The following MTMR7 variants were observed in gnomAD, a reference collection of about 807,000 sequenced individuals.
MTMR7 encodes myotubularin related protein 7.
In MTMR7, 76 loss-of-function variants were observed where a neutral mutation model predicts 81.2. The ratio of observed to expected loss-of-function variants is 0.94; its 90% CI spans 0.78 to 1.13. The LOEUF (loss-of-function observed/expected upper bound fraction) is 1.13. Among genes scored for constraint, MTMR7 ranks in the 50% most tolerant of loss-of-function variants. MTMR7 has a pLI of 0.00. For missense variants in MTMR7, 1,044 were observed against 820.0 expected, an observed-to-expected ratio of 1.27 and a Z score of -3.34; for synonymous variants, 372 against 289.8, an observed-to-expected ratio of 1.28 and a Z score of -2.88.
chr8:17,368,512 G>A (rs1249354597), intron 3 of MTMR7, among the ~76,000 whole-genome samples: 1 of 152,150 alleles, frequency 6.6e-6, no homozygotes, highest in East Asian at 1.9e-4. Flanking sequence ...AAAGGCAGTG[G>A]ACGGTGTCTT....
intron 1 of MTMR7, among the ~76,000 whole-genome samples, chr8:17,397,771 C>A (rs953661032): frequency 6.6e-6 from 1 of 152,088 alleles, no homozygotes; most frequent in Admixed American, 6.5e-5. Context: ...TGGGCAAGAC[C>A]CAGTGCTGTG....
chr8:17,331,199 C>T lies in MTMR7; in HGVS notation c.816G>A (p.Gly272=), dbSNP rs766375252. The T allele has an allele frequency of 3.1e-6, 5 of 1,612,786 alleles. No homozygotes were observed. Among genetic ancestry groups the T allele is most frequent in the Non-Finnish European group, 4.2e-6 (5 of 1,179,614 alleles). Residue 272 remains glycine, a synonymous_variant, in exon 7 of 14, where the codon GGG becomes GGA. Coordinates refer to ENST00000180173, the MANE Select transcript of MTMR7 (RefSeq NM_004686.5). The part of the protein sequence containing the change: ...NYSNIKFQFI[G]IENIHVMRNS... Reference sequence around the variant, plus strand: ...TCCTCATGACATGGATGTTCTCTATCCCGATAAACTGAAACTTGATATTGG... The same window carrying T: ...TCCTCATGACATGGATGTTCTCTATTCCGATAAACTGAAACTTGATATTGG...
intron 4 of MTMR7, among the ~76,000 whole-genome samples, chr8:17,355,253 G>C (rs183596918): frequency 4.6e-5 from 7 of 152,012 alleles, no homozygotes; most frequent in African/African-American, 1.7e-4. Flanking sequence ...TTCTTTCAAG[G>C]CTAAAAATTC....
intron 4 of MTMR7, among the ~76,000 whole-genome samples, chr8:17,349,709 G>A (rs750157934): frequency 6.6e-6 from 1 of 152,146 alleles, no homozygotes; most frequent in African/African-American, 2.4e-5. Flanking sequence ...ACAGATTACC[G>A]CGCAATGTAA....
intron 1 of MTMR7, among the ~76,000 whole-genome samples, chr8:17,392,947 G>A (rs139922737): frequency 6.6e-6 from 1 of 152,316 alleles, no homozygotes; most frequent in East Asian, 1.9e-4. Flanking sequence ...TGTACTATGT[G>A]CCATGTTATT....
chr8:17,366,106 G>GGT (rs1177327517), intron 3 of MTMR7, among the ~76,000 whole-genome samples: 2 of 152,144 alleles, frequency 1.3e-5, no homozygotes, highest in Non-Finnish European at 2.9e-5. Flanking sequence ...GAAAATGCAA[G>GGT]ACATCAGGTA....
chr8:17,341,931 T>C (rs992628687), intron 5 of MTMR7, among the ~76,000 whole-genome samples: 10 of 151,818 alleles, frequency 6.6e-5, no homozygotes, highest in African/African-American at 2.4e-4. Flanking sequence ...TTTTTTTTTT[T>C]AAACTAGCCC....
rs150124649 is a variant in MTMR7 at position 17,350,134 on chromosome 8, G to T, written c.469-1053C>A. 6.0e-3 allele frequency among the ~76,000 whole-genome samples: 920 copies of T among 152,330 alleles called. 8 individuals carry two copies. The highest frequency in any genetic ancestry group is 8.9e-3 in the Non-Finnish European group (605 of 68,038). ...CAGTCCATCAGTCTTTTCGCAATGT[G>T]AAGATCACCCACATGGAAGTGTCCT... On this transcript the variant is annotated intron_variant, in intron 4 of 13. Transcript: ENST00000180173.
chr8:17,324,470 A>T (rs557028018), intron 7 of MTMR7, among the ~76,000 whole-genome samples: 1 of 152,320 alleles, frequency 6.6e-6, no homozygotes, highest in African/African-American at 2.4e-5. Context: ...ATTCCACCGC[A>T]CATGCATCCA....
chr8:17,328,344 T>A (rs1216215935), intron 7 of MTMR7, among the ~76,000 whole-genome samples: 1 of 152,002 alleles, frequency 6.6e-6, no homozygotes, highest in Non-Finnish European at 1.5e-5. Flanking sequence ...GCCTAAGAGG[T>A]AAAAGCTCCA....
intron 3 of MTMR7, among the ~76,000 whole-genome samples, chr8:17,364,179 G>A (rs75124675): frequency 0.036 from 5,416 of 151,542 alleles, 486 homozygotes; most frequent in East Asian, 0.31. Context: ...ACAGGAGCCC[G>A]CCACCACGCC....
At chr8:17,409,699 G>A (rs1451069970) in intron 1 of MTMR7, among the ~76,000 whole-genome samples, 3 of 152,112 alleles carry the variant, frequency 2.0e-5, no homozygotes, top group African/African-American at 7.2e-5. Flanking sequence ...GAACCTAAGG[G>A]GAAAACACAA....
intron 7 of MTMR7, among the ~76,000 whole-genome samples, chr8:17,325,165 T>G (rs1818618957): frequency 6.6e-6 from 1 of 151,950 alleles, no homozygotes; most frequent in Middle Eastern, 3.4e-3. Context: ...AGAGAACTAT[T>G]TCAGAGAAAC....
At chr8:17,373,375 A>C in intron 1 of MTMR7, 135 bp from the exon 2 acceptor site, 2 of 996,628 alleles carry the variant, frequency 2.0e-6, no homozygotes, top group Non-Finnish European at 2.8e-6. Context: ...AAAAACCAAA[A>C]ACTTCCCCTT....
chr8:17,305,744 C>A lies in MTMR7; in HGVS notation c.1352+13G>T, dbSNP rs765300243. 1 of 1,595,700 alleles carries A rather than the reference C, an allele frequency of 6.3e-7. No homozygotes were observed. Among genetic ancestry groups the A allele is most frequent in the South Asian group, 1.1e-5 (1 of 89,512 alleles). On this transcript the variant is annotated intron_variant, in intron 11 of 13. Coordinates refer to ENST00000180173, the MANE Select transcript of MTMR7 (RefSeq NM_004686.5). ...AAATAAAAGTTAAACACCAAAAACA[C>A]CAAAACACTTACTTGAGTTCTCGTC...
intron 3 of MTMR7, among the ~76,000 whole-genome samples, chr8:17,369,481 T>C (rs1182208965): frequency 1.3e-5 from 2 of 152,124 alleles, no homozygotes; most frequent in Non-Finnish European, 2.9e-5. Context: ...TAATTGAACT[T>C]CTTGTCCTGA....
chr8:17,334,256 C>T (rs979468848), intron 6 of MTMR7, among the ~76,000 whole-genome samples: 3 of 152,164 alleles, frequency 2.0e-5, no homozygotes, highest in African/African-American at 7.2e-5. Flanking sequence ...GCAGGAGATA[C>T]GGTTTTACAA....
At chr8:17,316,393 CTTAAA>C (rs534461658) in intron 7 of MTMR7, among the ~76,000 whole-genome samples, 77 of 151,460 alleles carry the variant, frequency 5.1e-4, no homozygotes, top group African/African-American at 1.6e-3. Flanking sequence ...CACTCTATAT[CTTAAA>C]TTATTTATCC....
chr8:17,347,914 T>C (rs1243422315), intron 5 of MTMR7, among the ~76,000 whole-genome samples: 3 of 152,022 alleles, frequency 2.0e-5, no homozygotes, highest in African/African-American at 7.3e-5. Context: ...CCACCTGCAG[T>C]GTGTGGGTGG....
Sources: allele counts gnomAD v4.1 joint callset (sites outside exome capture counted in the v4.1 genomes callset), GRCh38; gene constraint gnomAD v4.1.1; transcripts MANE v1.5; gene names NCBI Gene and HGNC (gene_info 2026-07-23, HGNC 2026-07-21).